ZNF385D: variants seen among roughly 807,000 people sequenced by gnomAD.
ZNF385D encodes zinc finger protein 385D.
In ZNF385D, 15 loss-of-function variants were observed where a neutral mutation model predicts 35.8. That is an observed-to-expected ratio of 0.42 (90% CI 0.28 to 0.64). The LOEUF (loss-of-function observed/expected upper bound fraction) is 0.64, where lower values mean the gene tolerates loss of function less well. ZNF385D is among the 30% of genes least tolerant of loss of function. The probability of loss-of-function intolerance (pLI) is 0.23; values close to 1 mark genes in which losing one functional copy is unlikely to be tolerated. For synonymous variants in ZNF385D, 212 were observed against 186.8 expected (o/e 1.13, Z -1.10); for missense variants, 474 against 494.6 (o/e 0.96, Z 0.39).
intron 3 of ZNF385D, among the ~76,000 whole-genome samples, chr3:21,873,170 G>C (rs1346629167): frequency 6.6e-6 from 1 of 152,120 alleles, no homozygotes; most frequent in Non-Finnish European, 1.5e-5. Context: ...GAAAGATAAA[G>C]CTATGGATTT....
At chr3:21,790,667 G>A (rs1436847962) in intron 3 of ZNF385D, among the ~76,000 whole-genome samples, 2 of 152,128 alleles carry the variant, frequency 1.3e-5, no homozygotes, top group Non-Finnish European at 2.9e-5. Context: ...CCCAGCATAT[G>A]GGAAATTTTC....
intron 3 of ZNF385D, among the ~76,000 whole-genome samples, chr3:21,953,140 A>C (rs1004416748): frequency 1.3e-5 from 2 of 151,920 alleles, no homozygotes; most frequent in African/African-American, 2.4e-5. Flanking sequence ...ATTTTCCTCA[A>C]GTGTTTCTTT....
intron 3 of ZNF385D, among the ~76,000 whole-genome samples, chr3:21,543,379 C>T (rs1395316116): frequency 1.3e-5 from 2 of 152,226 alleles, no homozygotes; most frequent in Non-Finnish European, 2.9e-5. Context: ...TGGGAGACCG[C>T]TCCCCACCCC....
chr3:22,190,214 T>A (rs547060271), intron 2 of ZNF385D, among the ~76,000 whole-genome samples: 1 of 152,162 alleles, frequency 6.6e-6, no homozygotes, highest in Non-Finnish European at 1.5e-5. Flanking sequence ...CAGTCAAAGT[T>A]GAAAATCAAA....
chr3:22,175,020 A>C (rs571513024), intron 2 of ZNF385D, among the ~76,000 whole-genome samples: 4 of 152,048 alleles, frequency 2.6e-5, no homozygotes, highest in African/African-American at 7.2e-5. Flanking sequence ...GTCTCTTATA[A>C]AGAGTTCTTA....
chr3:21,776,474 C>A (rs2071293462), intron 3 of ZNF385D, among the ~76,000 whole-genome samples: 1 of 151,936 alleles, frequency 6.6e-6, no homozygotes, highest in African/African-American at 2.4e-5. Context: ...TGTGTTAAAT[C>A]TGATACACAA....
chr3:22,094,543 C>G (rs1576309058), intron 3 of ZNF385D, among the ~76,000 whole-genome samples: 1 of 151,742 alleles, frequency 6.6e-6, no homozygotes, highest in East Asian at 1.9e-4. Context: ...ATAGGCCAGA[C>G]ACACATGAAA....
intron 1 of ZNF385D, among the ~76,000 whole-genome samples, chr3:21,726,350 A>G (rs980415482): frequency 6.6e-6 from 1 of 152,202 alleles, no homozygotes; most frequent in Admixed American, 6.5e-5. Flanking sequence ...GGAGAAAGAA[A>G]TAAAGGATAC....
chr3:21,755,935 G>C (rs1196944285), upstream of ZNF385D, among the ~76,000 whole-genome samples: 1 of 152,178 alleles, frequency 6.6e-6, no homozygotes, highest in Non-Finnish European at 1.5e-5. Flanking sequence ...TGCTAGAGTA[G>C]AGTAGATCTT....
chr3:22,242,744 A>T (rs1193081494), intron 2 of ZNF385D, among the ~76,000 whole-genome samples: 1 of 151,228 alleles, frequency 6.6e-6, no homozygotes, highest in African/African-American at 2.4e-5. Context: ...TAAAGACCAT[A>T]GTTAATGGAT....
In ZNF385D at chr3:22,361,168, C is replaced by A. The variant is rs187325134; in HGVS notation, c.106+11282G>T. 9.2e-3 allele frequency among the ~76,000 whole-genome samples: 1,396 copies of A among 152,084 alleles called. 6 individuals carry two copies. The highest frequency in any genetic ancestry group is 0.016 in the Non-Finnish European group (1,106 of 67,924). ...GTAAAAACAAATTCATTGAATAACA[C>A]AGAATTTCCAAACTCAGCTAATGGA... On this transcript the variant is annotated intron_variant, in intron 2 of 5. Coordinates refer to the ZNF385D transcript ENST00000494108.
At chr3:21,668,158 C>G (rs1322756847) in intron 1 of ZNF385D, among the ~76,000 whole-genome samples, 1 of 152,148 alleles carries the variant, frequency 6.6e-6, no homozygotes, top group Admixed American at 6.5e-5. Flanking sequence ...GCTTGGAGTG[C>G]TGGTGGCTGA....
intron 3 of ZNF385D, among the ~76,000 whole-genome samples, chr3:22,106,670 G>C (rs897787810): frequency 6.6e-6 from 1 of 152,152 alleles, no homozygotes; most frequent in Non-Finnish European, 1.5e-5. Flanking sequence ...CTGAAGGCCT[G>C]ACCTCTTACC....
intron 5 of ZNF385D, among the ~76,000 whole-genome samples, chr3:21,433,733 C>G (rs776886812): frequency 6.6e-6 from 1 of 152,120 alleles, no homozygotes; most frequent in East Asian, 1.9e-4. Flanking sequence ...TATGATCTGG[C>G]AACTCTAAAT....
intron 1 of ZNF385D, among the ~76,000 whole-genome samples, chr3:21,710,591 T>G (rs1158569387): frequency 1.3e-5 from 2 of 152,194 alleles, no homozygotes. Context: ...GTCCTCGCAT[T>G]TTCTCAGCTT....
intron 3 of ZNF385D, among the ~76,000 whole-genome samples, chr3:22,118,218 T>C (rs918354469): frequency 6.6e-6 from 1 of 152,110 alleles, no homozygotes; most frequent in African/African-American, 2.4e-5. Context: ...CCCATTGTTC[T>C]AAAGTATGCC....
intron 3 of ZNF385D, among the ~76,000 whole-genome samples, chr3:22,130,170 T>G (rs1452732603): frequency 2.0e-5 from 3 of 152,132 alleles, no homozygotes; most frequent in Non-Finnish European, 4.4e-5. Context: ...TCATTTTTAC[T>G]GTGGCTAAGC....
chr3:22,270,190 G>A (rs1701101124), intron 2 of ZNF385D, among the ~76,000 whole-genome samples: 2 of 151,872 alleles, frequency 1.3e-5, no homozygotes, highest in Admixed American at 6.6e-5. Flanking sequence ...CCTTTCTCTG[G>A]CTCACAGCTC....
intron 3 of ZNF385D, among the ~76,000 whole-genome samples, chr3:21,993,631 T>C (rs1695283574): frequency 6.6e-6 from 1 of 152,172 alleles, no homozygotes. Flanking sequence ...TAAAAACATC[T>C]AGTGGAATTA....
Sources: allele counts gnomAD v4.1 joint callset (sites outside exome capture counted in the v4.1 genomes callset), GRCh38; gene constraint gnomAD v4.1.1; transcripts MANE v1.5; gene names NCBI Gene and HGNC (gene_info 2026-07-23, HGNC 2026-07-21).